GRIK4: variants seen among roughly 807,000 people sequenced by gnomAD.
The protein encoded by GRIK4 is glutamate receptor ionotropic, kainate 4.
A neutral mutation model predicts 104.9 loss-of-function variants in GRIK4; 40 were observed. That is an observed-to-expected ratio of 0.38 (90% CI 0.30 to 0.50). GRIK4 has a LOEUF of 0.50. GRIK4 is among the 20% of genes least tolerant of loss of function. GRIK4 has a pLI of 0.93. For missense variants in GRIK4, 1,047 were observed against 1,308.1 expected (o/e 0.80, Z 3.08); for synonymous variants, 485 against 524.9 (o/e 0.92, Z 1.04).
rs958935099 is a variant in GRIK4, at chr11:120,669,183, G to T, written c.82+8783G>T. Among the ~76,000 whole-genome samples the T allele has an allele frequency of 4.5e-4, 69 of 152,158 alleles. 1 individual carries two copies. The highest frequency in any genetic ancestry group is 5.9e-5 in the Non-Finnish European group (4 of 68,040). ...TGTGTGTTCACACACTCATGTGTGGGTGGCACTCTTTCTGGGCACTTACCC... is the reference window on the plus strand; with the variant it reads ...TGTGTGTTCACACACTCATGTGTGGTTGGCACTCTTTCTGGGCACTTACCC... On this transcript the variant is annotated intron_variant, in intron 3 of 20. Transcript: ENST00000527524.
At chr11:120,703,963 C>G (rs1455525690) in intron 3 of GRIK4, among the ~76,000 whole-genome samples, 1 of 152,186 alleles carries the variant, frequency 6.6e-6, no homozygotes, top group Non-Finnish European at 1.5e-5. Context: ...TGTTTAATAA[C>G]TGAATGGCTA....
intron 1 of GRIK4, among the ~76,000 whole-genome samples, chr11:120,561,624 G>A (rs904060618): frequency 2.0e-5 from 3 of 152,200 alleles, no homozygotes; most frequent in African/African-American, 7.2e-5. Flanking sequence ...CCACACCTTC[G>A]GGGGCAGCCC....
chr11:120,838,221 C>T (rs1202933575), intron 8 of GRIK4, among the ~76,000 whole-genome samples: 4 of 152,186 alleles, frequency 2.6e-5, no homozygotes, highest in Non-Finnish European at 5.9e-5. Flanking sequence ...AGTCCTGACT[C>T]AGCCTTATGC....
At chr11:120,649,668 CA>C (rs1280999029) in intron 1 of GRIK4, among the ~76,000 whole-genome samples, 2 of 152,230 alleles carry the variant, frequency 1.3e-5, no homozygotes, top group African/African-American at 2.4e-5. Context: ...CAGCTCTTCT[CA>C]GTCCTCCTTA....
intron 3 of GRIK4, among the ~76,000 whole-genome samples, chr11:120,783,112 A>G (rs1249059378): frequency 6.6e-6 from 1 of 152,190 alleles, no homozygotes; most frequent in Admixed American, 6.5e-5. Context: ...TGAACTCCCT[A>G]CAATGCAGAC....
At chr11:120,527,475 G>A (rs1325960190) in intron 1 of GRIK4, among the ~76,000 whole-genome samples, 1 of 152,190 alleles carries the variant, frequency 6.6e-6, no homozygotes, top group African/African-American at 2.4e-5. Flanking sequence ...CAGAGGAGGG[G>A]AGCAGGGAGC....
At chr11:120,931,756 G>A (rs1943485492) in intron 13 of GRIK4, among the ~76,000 whole-genome samples, 1 of 152,186 alleles carries the variant, frequency 6.6e-6, no homozygotes, top group Non-Finnish European at 1.5e-5. Flanking sequence ...ATATGTGTTA[G>A]CTGTATTGAT....
chr11:120,687,492 T>C (rs1301457984), intron 3 of GRIK4, among the ~76,000 whole-genome samples: 1 of 152,214 alleles, frequency 6.6e-6, no homozygotes, highest in Non-Finnish European at 1.5e-5. Context: ...TTCTGTTAAC[T>C]TGTCTGTTTA....
intron 13 of GRIK4, among the ~76,000 whole-genome samples, chr11:120,926,538 A>C (rs1012064477): frequency 2.6e-5 from 4 of 152,218 alleles, no homozygotes; most frequent in African/African-American, 9.6e-5. Context: ...AGGTTAAGTA[A>C]CTGGCCTAAG....
intron 16 of GRIK4, among the ~76,000 whole-genome samples, chr11:120,958,362 G>A (rs1466735352): frequency 6.6e-6 from 1 of 152,252 alleles, no homozygotes; most frequent in Non-Finnish European, 1.5e-5. Context: ...TGTGTGAGAA[G>A]GGGCTCAGCG....
intron 8 of GRIK4, among the ~76,000 whole-genome samples, chr11:120,841,967 A>T (rs888739619): frequency 2.6e-5 from 4 of 152,170 alleles, no homozygotes; most frequent in Non-Finnish European, 5.9e-5. Context: ...CCTTACAATC[A>T]GTCAGAAGTG....
chr11:120,911,131 G>A (rs1942981231), intron 13 of GRIK4, among the ~76,000 whole-genome samples: 1 of 152,090 alleles, frequency 6.6e-6, no homozygotes, highest in South Asian at 2.1e-4. Context: ...CGGGCAGGAG[G>A]GCAACACTGG....
At chr11:120,653,142 G>GC (rs1949644975) in intron 1 of GRIK4, among the ~76,000 whole-genome samples, 1 of 152,224 alleles carries the variant, frequency 6.6e-6, no homozygotes, top group Non-Finnish European at 1.5e-5. Context: ...GCTGCTGCAT[G>GC]CCAGGCACTG....
intron 1 of GRIK4, among the ~76,000 whole-genome samples, chr11:120,559,864 C>A (rs1209539767): frequency 6.6e-6 from 1 of 152,134 alleles, no homozygotes; most frequent in East Asian, 1.9e-4. Context: ...CTGCATTACA[C>A]CAGCAGCGAG....
intron 1 of GRIK4, among the ~76,000 whole-genome samples, chr11:120,646,807 G>A (rs1234281455): frequency 1.3e-5 from 2 of 152,170 alleles, no homozygotes; most frequent in Admixed American, 6.5e-5. Flanking sequence ...AACCACAGGG[G>A]TCTGATTTAG....
chr11:120,529,569 T>C (rs1026993662), intron 1 of GRIK4, among the ~76,000 whole-genome samples: 2 of 152,346 alleles, frequency 1.3e-5, no homozygotes, highest in South Asian at 2.1e-4. Flanking sequence ...CCTTGGATAG[T>C]CACACATGTA....
intron 16 of GRIK4, among the ~76,000 whole-genome samples, chr11:120,958,878 C>T (rs1944226602): frequency 6.6e-6 from 1 of 152,096 alleles, no homozygotes; most frequent in South Asian, 2.1e-4. Flanking sequence ...GGACTGCCCA[C>T]CCCAGGTCTC....
intron 8 of GRIK4, among the ~76,000 whole-genome samples, chr11:120,838,548 G>A (rs750708144): frequency 6.6e-6 from 1 of 151,938 alleles, no homozygotes; most frequent in Non-Finnish European, 1.5e-5. Context: ...ATGATGAAAA[G>A]TAACTGTATA....
chr11:120,940,576 C>T lies in GRIK4; in HGVS notation c.1590+116C>T, dbSNP rs1353151005. 1 of 664,308 alleles carries T rather than the reference C, an allele frequency of 1.5e-6. No individual in the cohort carries two copies. Among genetic ancestry groups the T allele is most frequent in the Non-Finnish European group, 2.6e-6 (1 of 388,794 alleles). 41.2% of individuals were successfully genotyped at this position (664,308 alleles called of 1,614,324 possible). A position where few individuals can be genotyped will look rare whatever the true frequency, so the allele number is the denominator to read the frequency against. On this transcript the variant is annotated intron_variant, in intron 14 of 20. Coordinates refer to ENST00000527524, the MANE Select transcript of GRIK4 (RefSeq NM_014619.5). The surrounding 1 kb of genome is among the most constrained non-coding windows in gnomAD (Gnocchi z 4.3). ...ATATTTAGATTTCAAGACTTAAATG[C>T]AAATGTGCTGGGCTATTTTTTCTCC... is the stretch of plus-strand genomic sequence containing the variant.
Sources: gnomAD v4.1 joint callset for allele counts (sites outside exome capture counted in the v4.1 genomes callset) on GRCh38, gnomAD v4.1.1 for gene constraint, Gnocchi (gnomAD v3.1) non-coding constraint, MANE v1.5 for transcripts, NCBI Gene and HGNC (gene_info 2026-07-23, HGNC 2026-07-21) for gene names.